NOCT: variants seen among roughly 807,000 people sequenced by gnomAD.
The protein encoded by NOCT is CCR4 carbon catabolite repression 4-like.
In NOCT, 18 loss-of-function variants were observed where a neutral mutation model predicts 35.0. The ratio of observed to expected loss-of-function variants is 0.51; its 90% CI spans 0.36 to 0.76. The LOEUF (loss-of-function observed/expected upper bound fraction) is 0.76. Among genes scored for constraint, NOCT ranks in the 30% least tolerant of loss-of-function variants. The pLI is 0.01. For synonymous variants in NOCT, 235 were observed against 226.3 expected, an observed-to-expected ratio of 1.04 and a Z score of -0.34; for missense variants, 479 against 541.0, an observed-to-expected ratio of 0.89 and a Z score of 1.14.
intron 1 of NOCT, among the ~76,000 whole-genome samples, chr4:139,016,643 T>A (rs1257102723): frequency 4.6e-4 from 2 of 4,358 alleles, no homozygotes; most frequent in Non-Finnish European, 1.4e-3. Context: ...TTTACGTTGT[T>A]TTTTTTTTTT....
At chr4:139,016,595 T>G (rs892924651) in intron 1 of NOCT, among the ~76,000 whole-genome samples, 8 of 148,074 alleles carry the variant, frequency 5.4e-5, no homozygotes, top group South Asian at 2.1e-4. Flanking sequence ...AGATATTAAG[T>G]TTTTTTTTTA....
chr4:139,045,273 G>C lies in NOCT; in HGVS notation c.1095G>C (p.Lys365Asn). The change falls in exon 3 of 3, where the codon AAG becomes AAC. Residue 365 changes from lysine (K) to asparagine (N), a missense_variant. Coordinates refer to ENST00000280614, the MANE Select transcript of NOCT (RefSeq NM_012118.4). Reference protein sequence around the residue: ...GQSEPPYTTWKIRTSGECRHT... With the variant: ...GQSEPPYTTWNIRTSGECRHT... ...CAGAACCCCCATACACTACCTGGAA[G>C]ATCCGGACCTCAGGGGAGTGCAGGC... 1 of 1,614,154 alleles carries C rather than the reference G, an allele frequency of 6.2e-7. No homozygotes were observed. Among genetic ancestry groups the C allele is most frequent in the Non-Finnish European group, 8.5e-7 (1 of 1,180,038 alleles).
chr4:139,042,863 G>A (rs1424443074), intron 1 of NOCT, among the ~76,000 whole-genome samples: 21 of 150,776 alleles, frequency 1.4e-4, no homozygotes, highest in Non-Finnish European at 2.2e-4. Flanking sequence ...GCGGTGAGCC[G>A]AGATTGTGCC....
intron 1 of NOCT, among the ~76,000 whole-genome samples, chr4:139,042,468 CTAGGT>C (rs1726849832): frequency 6.6e-6 from 1 of 152,036 alleles, no homozygotes; most frequent in Non-Finnish European, 1.5e-5. Flanking sequence ...AAGACAAATC[CTAGGT>C]TAGAAGAGGC....
chr4:139,021,699 G>A (rs1456918175), intron 1 of NOCT, among the ~76,000 whole-genome samples: 2 of 151,900 alleles, frequency 1.3e-5, no homozygotes, highest in Non-Finnish European at 1.5e-5. Context: ...CTTGGAGTTA[G>A]GAAGGGAGAT....
In NOCT at chr4:139,016,053, C is replaced by A; in HGVS notation, c.72C>A (p.Pro24=). Residue 24 remains proline, a synonymous_variant, in exon 1 of 3, where the codon CCC becomes CCA. Transcript: ENST00000280614. ...ACGCGCCCGGCCTGCGCCGCCTGCC[C>A]GCCCCAGGGCTGCGCCGCCCGTTGT... ...QRDAPGLRRL[P]APGLRRPLSP... The A allele has an allele frequency of 7.2e-7, 1 of 1,382,956 alleles. No individual in the cohort carries two copies. The highest frequency in any genetic ancestry group is 9.4e-7 in the Non-Finnish European group (1 of 1,067,202). 85.7% of individuals were successfully genotyped at this position (1,382,956 alleles called of 1,614,324 possible). A position where few individuals can be genotyped will look rare whatever the true frequency, so the allele number is the denominator to read the frequency against.
At chr4:139,016,569 A>G (rs1224770673) in intron 1 of NOCT, among the ~76,000 whole-genome samples, 1 of 148,736 alleles carries the variant, frequency 6.7e-6, no homozygotes, top group Non-Finnish European at 1.5e-5. Context: ...ATTTGCTTAT[A>G]TAGCTTTCAT....
Position 139,045,010 on chromosome 4 carries a change from C to T in NOCT, c.832C>T (p.Arg278Ter), listed in dbSNP as rs765534383. Residue 278 changes from arginine (R) to a stop codon, truncating the protein, a stop_gained, in exon 3 of 3, where the codon CGA (arginine) becomes TGA (stop). Coordinates refer to ENST00000280614, the MANE Select transcript of NOCT (RefSeq NM_012118.4). LOFTEE classifies it high-confidence loss of function. The stretch of plus-strand genomic sequence containing the variant: ...GACCCTGGAGTGCAAGGAGTCAGGC[C>T]GACAGTTCTGCATCGCTGTTACCCA... ...AQTLECKESG[R>*]QFCIAVTHLK... 14 of 1,614,180 alleles carry T rather than the reference C, an allele frequency of 8.7e-6. No homozygotes were observed. Among genetic ancestry groups the T allele is most frequent in the Middle Eastern group, 1.6e-4 (1 of 6,062 alleles).
rs1485853763 is a variant in NOCT, at chr4:139,043,093, T to C, written c.210T>C (p.Gly70=). 3 of 1,603,978 alleles carry C rather than the reference T, an allele frequency of 1.9e-6. No individual in the cohort carries two copies. Among genetic ancestry groups the C allele is most frequent in the Admixed American group, 3.3e-5 (2 of 59,774 alleles). The change falls in exon 2 of 3, where the codon GGT becomes GGC. Residue 70 remains glycine (G), a synonymous_variant. Coordinates refer to ENST00000280614, the MANE Select transcript of NOCT (RefSeq NM_012118.4). ...CCGTAGTGTGTTCCATGGGAACCGG[T>C]ACAAGCAGACTCTATAGTGCTCTCG... ...CSRTVCSMGT[G]TSRLYSALAK... is the part of the protein sequence containing the mutation.
chr4:139,043,196 A>G lies in NOCT; in HGVS notation c.313A>G (p.Ile105Val), dbSNP rs144971378. The change falls in exon 2 of 3, where the codon ATT becomes GTT. Residue 105 changes from isoleucine (I) to valine (V), a missense_variant. Ile to Val is a conservative substitution (Grantham distance 29). This residue lies in a region of NOCT where 265 missense variants were observed against 257.0 expected (regional missense o/e 1.03). Coordinates refer to ENST00000280614, the MANE Select transcript of NOCT (RefSeq NM_012118.4). Reference sequence around the variant, plus strand: ...ACCTGACCCAGAGCATCTGGAGCCCATTGATCCTAAAGAGCTTCTTGAGGA... The same window carrying G: ...ACCTGACCCAGAGCATCTGGAGCCCGTTGATCCTAAAGAGCTTCTTGAGGA... ...VSPDPEHLEPIDPKELLEECR... is the reference protein window; with the variant it reads ...VSPDPEHLEPVDPKELLEECR... The G allele has an allele frequency of 1.4e-5, 22 of 1,614,064 alleles. No individual in the cohort carries two copies. The highest frequency in any genetic ancestry group is 1.6e-4 in the Middle Eastern group (1 of 6,084).
chr4:139,033,052 G>A (rs955710182), intron 1 of NOCT, among the ~76,000 whole-genome samples: 5 of 151,702 alleles, frequency 3.3e-5, no homozygotes, highest in African/African-American at 1.2e-4. Flanking sequence ...GGAACAGAGC[G>A]AGACTCCATC....
chr4:139,015,979 G>C lies in NOCT; in HGVS notation c.-3G>C, dbSNP rs1560727287. The stretch of plus-strand genomic sequence containing the variant: ...AGGGGCCGTGGTGGCGGCGGCGCCC[G>C]GCATGTTTCATAGTCCGCGGCGGCT... On this transcript the variant is annotated 5_prime_UTR_variant, in exon 1 of 3. Coordinates refer to ENST00000280614, the MANE Select transcript of NOCT (RefSeq NM_012118.4). 7.4e-7 allele frequency: 1 copy of C among 1,358,242 alleles called. No individual in the cohort carries two copies. The allele number at this position is 1,358,242 out of a possible 1,614,324, so 84.1% of individuals were successfully genotyped here.
At chr4:139,034,878 C>T (rs1726701499) in intron 1 of NOCT, among the ~76,000 whole-genome samples, 1 of 152,170 alleles carries the variant, frequency 6.6e-6, no homozygotes, top group Non-Finnish European at 1.5e-5. Flanking sequence ...TCCTACTTCT[C>T]TGGCCATGTC....
chr4:139,016,621 A>G (rs1201703499), intron 1 of NOCT, among the ~76,000 whole-genome samples: 1 of 145,240 alleles, frequency 6.9e-6, no homozygotes, highest in African/African-American at 2.5e-5. Flanking sequence ...TGATAATAAC[A>G]CATTGATTCG....
At chr4:139,039,962 A>G (rs1248737170) in intron 1 of NOCT, among the ~76,000 whole-genome samples, 1 of 151,588 alleles carries the variant, frequency 6.6e-6, no homozygotes, top group African/African-American at 2.4e-5. Context: ...TCCTGACCTC[A>G]GGTGATCCGC....
intron 1 of NOCT, among the ~76,000 whole-genome samples, chr4:139,027,807 A>C (rs1726551629): frequency 6.6e-6 from 1 of 152,124 alleles, no homozygotes; most frequent in Non-Finnish European, 1.5e-5. Flanking sequence ...CTATTTATGA[A>C]CATTAAAATT....
Position 139,016,174 on chromosome 4 carries a change from G to T in NOCT, c.190+3G>T. On this transcript the variant is annotated splice_donor_region_variant and intron_variant, in intron 1 of 2. Transcript: ENST00000280614. Reference sequence around the variant, plus strand: ...CGCGAGGTCGTGTTCCCGAACAGGTGAGTGCACCCCAGTTCCGGGCGGAGA... The same window carrying T: ...CGCGAGGTCGTGTTCCCGAACAGGTTAGTGCACCCCAGTTCCGGGCGGAGA... 1.6e-6 allele frequency: 2 copies of T among 1,251,000 alleles called. No individual in the cohort carries two copies. Among genetic ancestry groups the T allele is most frequent in the Non-Finnish European group, 2.0e-6 (2 of 999,206 alleles). The allele number at this position is 1,251,000 out of a possible 1,614,324, so 77.5% of individuals were successfully genotyped here.
chr4:139,025,277 G>C (rs1001238500), intron 1 of NOCT, among the ~76,000 whole-genome samples: 2 of 152,110 alleles, frequency 1.3e-5, no homozygotes, highest in African/African-American at 4.8e-5. Context: ...TGAACGAATT[G>C]CCCTAACAGT....
In NOCT at chr4:139,044,903, A is replaced by G; in HGVS notation, c.725A>G (p.Gln242Arg). Residue 242 changes from glutamine to arginine, a missense_variant, in exon 3 of 3, where the codon CAA (glutamine) becomes CGA (arginine). Gln to Arg is a conservative substitution (Grantham distance 43). Transcript: ENST00000280614. ...GATGGTTGTGCCTTATTTTTTCTTC[A>G]AAACCGATTCAAGCTAGTCAACAGT... Reference protein sequence around the residue: ...GPDGCALFFLQNRFKLVNSAN... With the variant: ...GPDGCALFFLRNRFKLVNSAN... The G allele has an allele frequency of 1.9e-6, 3 of 1,614,214 alleles. No individual in the cohort carries two copies. Among genetic ancestry groups the G allele is most frequent in the Non-Finnish European group, 2.5e-6 (3 of 1,180,044 alleles).
Sources: gnomAD v4.1 joint callset for allele counts (sites outside exome capture counted in the v4.1 genomes callset) on GRCh38, gnomAD v4.1.1 for gene constraint, gnomAD v4.1.1 regional missense constraint, MANE v1.5 for transcripts, NCBI Gene and HGNC (gene_info 2026-07-23, HGNC 2026-07-21) for gene names.